The following CDH13 variants were observed in gnomAD, a reference collection of about 807,000 sequenced individuals.
CDH13 encodes cadherin-13.
Under a neutral mutation model 63.8 loss-of-function variants are expected in CDH13, and 24 were observed. The observed-to-expected ratio is 0.38, with a 90% CI of 0.27 to 0.53. The LOEUF is 0.53. CDH13 is among the 20% of genes least tolerant of loss of function. The pLI, the probability that CDH13 is intolerant of heterozygous loss-of-function variation, is 0.85. For synonymous variants in CDH13, 503 were observed against 355.3 expected (o/e 1.42, Z -4.67); for missense variants, 1,049 against 903.1 (o/e 1.16, Z -2.07).
chr16:83,001,569 C>T (rs950762047), intron 2 of CDH13, among the ~76,000 whole-genome samples: 6 of 152,150 alleles, frequency 3.9e-5, no homozygotes, highest in Non-Finnish European at 8.8e-5. Flanking sequence ...GAGAAATTGA[C>T]TGGGAGGTAT....
At chr16:83,376,490 A>G (rs1051568345) in intron 6 of CDH13, among the ~76,000 whole-genome samples, 1 of 152,238 alleles carries the variant, frequency 6.6e-6, no homozygotes, top group Non-Finnish European at 1.5e-5. Flanking sequence ...CAAAGATGTC[A>G]AAGTGACAGC....
intron 6 of CDH13, among the ~76,000 whole-genome samples, chr16:83,464,327 A>G (rs1371236345): frequency 6.6e-6 from 1 of 151,836 alleles, no homozygotes; most frequent in Non-Finnish European, 1.5e-5. Context: ...AGCCTGGCCA[A>G]CATGGTGAAA....
At chr16:83,084,509 G>GA (rs1249889550) in intron 3 of CDH13, among the ~76,000 whole-genome samples, 2 of 152,130 alleles carry the variant, frequency 1.3e-5, no homozygotes, top group Non-Finnish European at 2.9e-5. Flanking sequence ...AGATTATGGG[G>GA]AAAAAATGTA....
At chr16:83,215,186 G>C (rs1013802316) in intron 4 of CDH13, among the ~76,000 whole-genome samples, 1 of 140,042 alleles carries the variant, frequency 7.1e-6, no homozygotes, top group Admixed American at 7.9e-5. Flanking sequence ...AAGCGATTCT[G>C]CTGCCTCAGC....
intron 11 of CDH13, among the ~76,000 whole-genome samples, chr16:83,770,255 A>C (rs1914672504): frequency 6.6e-6 from 1 of 152,180 alleles, no homozygotes; most frequent in South Asian, 2.1e-4. Context: ...CCTTTCTACC[A>C]GTGTTTAGTA....
At chr16:83,061,632 C>T (rs369799581) in intron 3 of CDH13, among the ~76,000 whole-genome samples, 26 of 152,334 alleles carry the variant, frequency 1.7e-4, no homozygotes, top group African/African-American at 5.8e-4. Context: ...ATGACTGTGA[C>T]ACTGAAGTGG....
chr16:83,343,797 C>G (rs1314226926), intron 5 of CDH13, among the ~76,000 whole-genome samples: 1 of 152,170 alleles, frequency 6.6e-6, no homozygotes, highest in Non-Finnish European at 1.5e-5. Context: ...TTCCCAAGGT[C>G]AAATCTGGAC....
At chr16:82,896,872 C>T (rs1236433431) in intron 2 of CDH13, among the ~76,000 whole-genome samples, 1 of 150,328 alleles carries the variant, frequency 6.7e-6, no homozygotes, top group African/African-American at 2.5e-5. Context: ...GCTCCGCCTC[C>T]CAGGTTCACA....
intron 10 of CDH13, among the ~76,000 whole-genome samples, chr16:83,702,592 G>T (rs896343804): frequency 6.6e-6 from 1 of 152,174 alleles, no homozygotes; most frequent in African/African-American, 2.4e-5. Flanking sequence ...CAGCCCGCCT[G>T]TATGTTCAAA....
At chr16:82,630,894 C>A (rs1224030813) in intron 1 of CDH13, among the ~76,000 whole-genome samples, 1 of 152,150 alleles carries the variant, frequency 6.6e-6, no homozygotes, top group Non-Finnish European at 1.5e-5. Flanking sequence ...AAAAATTTCT[C>A]CAGAAGAGGG....
intron 1 of CDH13, among the ~76,000 whole-genome samples, chr16:82,640,912 G>A (rs1340573444): frequency 6.6e-6 from 1 of 152,124 alleles, no homozygotes; most frequent in Non-Finnish European, 1.5e-5. Flanking sequence ...AAGTATCTTG[G>A]GGTTAAACAC....
intron 11 of CDH13, among the ~76,000 whole-genome samples, chr16:83,764,644 C>G (rs1210510530): frequency 2.6e-5 from 4 of 151,478 alleles, no homozygotes; most frequent in African/African-American, 7.3e-5. Flanking sequence ...TGAAGTCAGC[C>G]CTTTACTCTT....
chr16:82,941,460 G>A (rs1420399581), intron 2 of CDH13, among the ~76,000 whole-genome samples: 3 of 152,146 alleles, frequency 2.0e-5, no homozygotes, highest in Admixed American at 1.3e-4. Context: ...TGCTTATTTC[G>A]TTGTTTTGCT....
chr16:83,362,135 C>G (rs1256139384), intron 6 of CDH13, among the ~76,000 whole-genome samples: 3 of 152,090 alleles, frequency 2.0e-5, no homozygotes, highest in Non-Finnish European at 4.4e-5. Context: ...TCAAGTGTCT[C>G]CAAGATGCTG....
intron 2 of CDH13, among the ~76,000 whole-genome samples, chr16:82,884,872 G>A (rs2040827910): frequency 6.6e-6 from 1 of 152,158 alleles, no homozygotes. Context: ...AAAGCTGTGG[G>A]GAAAATCTAA....
chr16:83,674,906 C>G (rs143396523), intron 9 of CDH13, among the ~76,000 whole-genome samples: 2 of 152,334 alleles, frequency 1.3e-5, no homozygotes, highest in East Asian at 3.9e-4. Context: ...ATCCAGAAAG[C>G]ATCCGTTATT....
At chr16:83,246,349 T>A (rs1381815941) in intron 5 of CDH13, among the ~76,000 whole-genome samples, 1 of 152,140 alleles carries the variant, frequency 6.6e-6, no homozygotes, top group Non-Finnish European at 1.5e-5. Context: ...CTGTGATTGT[T>A]TTCTTCCCTG....
chr16:83,658,721 C>G (rs1913132962), intron 8 of CDH13, among the ~76,000 whole-genome samples: 2 of 150,144 alleles, frequency 1.3e-5, no homozygotes, highest in South Asian at 4.3e-4. Context: ...AGCAAGGTCT[C>G]ATGTCCTCAC....
chr16:83,617,808 C>G (rs967553753), intron 8 of CDH13, among the ~76,000 whole-genome samples: 1 of 151,742 alleles, frequency 6.6e-6, no homozygotes, highest in African/African-American at 2.4e-5. Flanking sequence ...TGCATGTATT[C>G]TGTTCTAATA....
Sources: gnomAD v4.1 joint callset for allele counts (sites outside exome capture counted in the v4.1 genomes callset) on GRCh38, gnomAD v4.1.1 for gene constraint, MANE v1.5 for transcripts, NCBI Gene and HGNC (gene_info 2026-07-23, HGNC 2026-07-21) for gene names.